The following L2HGDH variants were observed in gnomAD, a reference collection of about 807,000 sequenced individuals.
L2HGDH encodes the protein L-2-hydroxyglutarate dehydrogenase.
Under a neutral mutation model 51.5 loss-of-function variants are expected in L2HGDH, and 34 were observed. That is an observed-to-expected ratio of 0.66 (90% CI 0.50 to 0.88). The LOEUF (loss-of-function observed/expected upper bound fraction) is 0.88. Ranked by LOEUF, L2HGDH falls within the 40% of genes least tolerant of loss-of-function variation. The pLI is 0.00. For synonymous variants in L2HGDH, 198 were observed against 197.9 expected (o/e 1.00, Z -0.01); for missense variants, 558 against 571.9 (o/e 0.98, Z 0.25).
intron 6 of L2HGDH, among the ~76,000 whole-genome samples, chr14:50,276,585 A>T (rs1889994034): frequency 6.6e-6 from 1 of 152,106 alleles, no homozygotes; most frequent in African/African-American, 2.4e-5. Flanking sequence ...CTAATCCAAT[A>T]GGACTGGTGT....
At chr14:50,277,820 A>G in intron 6 of L2HGDH, among the ~76,000 whole-genome samples, 1 of 116,328 alleles carries the variant, frequency 8.6e-6, no homozygotes, top group African/African-American at 3.2e-5. Flanking sequence ...TAATAATAAT[A>G]ATAATAATCT....
chr14:50,277,405 AG>A (rs1295881576), intron 6 of L2HGDH, among the ~76,000 whole-genome samples: 2 of 152,116 alleles, frequency 1.3e-5, no homozygotes, highest in Non-Finnish European at 2.9e-5. Flanking sequence ...TGGTTAAGCT[AG>A]GAACTATGCT....
At chr14:50,307,265 A>T (rs1465153706) in intron 1 of L2HGDH, among the ~76,000 whole-genome samples, 1 of 152,222 alleles carries the variant, frequency 6.6e-6, no homozygotes, top group African/African-American at 2.4e-5. Flanking sequence ...ATTTTCAAAC[A>T]TAAAACTATC....
rs146195985 is a variant in L2HGDH at position 50,308,128 on chromosome 14, C to T, written c.140+3883G>A. The stretch of plus-strand genomic sequence containing the variant: ...TAGGCAGGCCGGGTGCGATGGCTCA[C>T]GCCTTTAATCCCAGCACTTTGGGAG... On this transcript the variant is annotated intron_variant, in intron 1 of 9. Transcript: ENST00000267436. Among the ~76,000 whole-genome samples the T allele has an allele frequency of 3.5e-3, 528 of 152,324 alleles. 3 individuals carry two copies. Among genetic ancestry groups the T allele is most frequent in the African/African-American group, 0.012 (491 of 41,574 alleles).
intron 6 of L2HGDH, among the ~76,000 whole-genome samples, chr14:50,271,304 A>G (rs1238790235): frequency 6.6e-6 from 1 of 152,248 alleles, no homozygotes; most frequent in African/African-American, 2.4e-5. Context: ...AAATGCAGAT[A>G]AGTCCTATGA....
chr14:50,302,752 A>C, intron 2 of L2HGDH, 150 bp downstream of exon 2: 1 of 688,186 alleles, frequency 1.5e-6, no homozygotes, highest in Non-Finnish European at 2.7e-6. Context: ...TAACCTCTCA[A>C]ATAACCTATA....
At chr14:50,261,815 C>A (rs919721906) in intron 9 of L2HGDH, among the ~76,000 whole-genome samples, 1 of 152,118 alleles carries the variant, frequency 6.6e-6, no homozygotes, top group Non-Finnish European at 1.5e-5. Context: ...TAGAGACCAT[C>A]ATTTAACAAT....
At position 50,312,168 on chromosome 14, in the gene L2HGDH, C is replaced by G. The variant is rs1197701995; in HGVS notation, c.-18G>C. On this transcript the variant is annotated 5_prime_UTR_variant, in exon 1 of 10. Transcript: ENST00000267436. ...GGCACCATCCCCTACGCACGCTCCC[C>G]TCCCTCAGCGCTCAGAAGAAGCCAC... 6.2e-7 allele frequency: 1 copy of G among 1,608,342 alleles called. No individual in the cohort carries two copies. The highest frequency in any genetic ancestry group is 1.7e-5 in the Admixed American group (1 of 59,812).
At chr14:50,298,194 AGATG>A (rs1480817661) in intron 3 of L2HGDH, among the ~76,000 whole-genome samples, 1 of 148,328 alleles carries the variant, frequency 6.7e-6, no homozygotes, top group Non-Finnish European at 1.5e-5. Context: ...CAGTGAGCTG[AGATG>A]GCACCATTGC....
chr14:50,309,557 G>A (rs1211336440), intron 1 of L2HGDH, among the ~76,000 whole-genome samples: 1 of 109,882 alleles, frequency 9.1e-6, no homozygotes, highest in Non-Finnish European at 2.0e-5. Context: ...GCGAGACTTC[G>A]TGTTAAAAAA....
At position 50,267,793 on chromosome 14, in the gene L2HGDH, C is replaced by T. The variant is rs374931483; in HGVS notation, c.1024G>A (p.Asp342Asn). 25 of 1,613,010 alleles carry T rather than the reference C, an allele frequency of 1.5e-5. No individual in the cohort carries two copies. The African/African-American group carries it at 3.2e-4, about 21-fold the overall frequency. Reference protein sequence around the residue: ...AFKREGYRPFDFSATDVMDII... With the variant: ...AFKREGYRPFNFSATDVMDII... ...TCCATAACATCTGTGGCACTGAAGT[C>T]AAAGGGTCTGTAACCCTCTCGTTTA... Residue 342 changes from aspartate (D) to asparagine (N), a missense_variant, in exon 8 of 10, where the codon GAC becomes AAC. Asp to Asn is a conservative substitution (Grantham distance 23, BLOSUM62 1). Around this residue, in one of 3 missense-constraint regions of L2HGDH, gnomAD observed 321 missense variants for 311.8 expected, o/e 1.03. Coordinates refer to ENST00000267436, the MANE Select transcript of L2HGDH (RefSeq NM_024884.3).
At chr14:50,287,549 T>C (rs901109805) in intron 4 of L2HGDH, among the ~76,000 whole-genome samples, 4 of 152,010 alleles carry the variant, frequency 2.6e-5, no homozygotes, top group Admixed American at 6.6e-5. Context: ...GTTTTAAAAA[T>C]TGGCATGTCC....
intron 5 of L2HGDH, among the ~76,000 whole-genome samples, chr14:50,283,295 T>C (rs991880050): frequency 1.3e-5 from 2 of 152,152 alleles, no homozygotes; most frequent in Non-Finnish European, 2.9e-5. Flanking sequence ...AAATTTTCCA[T>C]AAACAGCCTT....
chr14:50,288,838 G>A (rs1010457399), intron 4 of L2HGDH, among the ~76,000 whole-genome samples: 1 of 152,124 alleles, frequency 6.6e-6, no homozygotes, highest in East Asian at 1.9e-4. Context: ...ACCTCCTCTG[G>A]TCAGCTCATC....
At chr14:50,297,066 CT>C in intron 3 of L2HGDH, among the ~76,000 whole-genome samples, 1 of 152,184 alleles carries the variant, frequency 6.6e-6, no homozygotes, top group African/African-American at 2.4e-5. Context: ...AATTCAACAC[CT>C]TTTCATGATA....
chr14:50,270,873 C>T (rs1045088870), intron 6 of L2HGDH, among the ~76,000 whole-genome samples: 11 of 151,950 alleles, frequency 7.2e-5, no homozygotes, highest in African/African-American at 1.5e-4. Flanking sequence ...TATTTTTGCC[C>T]TTGCTAGAAA....
intron 4 of L2HGDH, among the ~76,000 whole-genome samples, chr14:50,285,474 A>C (rs1459326460): frequency 6.6e-6 from 1 of 152,226 alleles, no homozygotes; most frequent in African/African-American, 2.4e-5. Context: ...AGTAAACATA[A>C]GACCTAGTCA....
At chr14:50,285,423 T>C (rs1246290981) in intron 4 of L2HGDH, among the ~76,000 whole-genome samples, 1 of 152,228 alleles carries the variant, frequency 6.6e-6, no homozygotes, top group Non-Finnish European at 1.5e-5. Context: ...TAAGAGTATT[T>C]GCCAAGCATA....
chr14:50,299,560 A>C (rs1267671777), intron 3 of L2HGDH, among the ~76,000 whole-genome samples: 1 of 152,234 alleles, frequency 6.6e-6, no homozygotes, highest in Admixed American at 6.5e-5. Flanking sequence ...TGAACACTAT[A>C]CAAAAATCCT....
Sources: gnomAD v4.1 joint callset for allele counts (sites outside exome capture counted in the v4.1 genomes callset) on GRCh38, gnomAD v4.1.1 for gene constraint, gnomAD v4.1.1 regional missense constraint, MANE v1.5 for transcripts, NCBI Gene and HGNC (gene_info 2026-07-23, HGNC 2026-07-21) for gene names.